Variants in PTPRD observed in about 807,000 individuals in gnomAD.
The protein encoded by PTPRD is protein tyrosine phosphatase receptor type D, also known as receptor-type tyrosine-protein phosphatase delta.
A neutral mutation model predicts 214.5 loss-of-function variants in PTPRD; 34 were observed. That is an observed-to-expected ratio of 0.16 (90% CI 0.12 to 0.21). PTPRD has a LOEUF of 0.21. Ranked by LOEUF, PTPRD falls within the 10% of genes least tolerant of loss-of-function variation. PTPRD has a pLI of 1.00. For synonymous variants in PTPRD, 1,128 were observed against 845.7 expected (o/e 1.33, Z -5.79); for missense variants, 2,545 against 2,398.7 (o/e 1.06, Z -1.27).
intron 14 of PTPRD, among the ~76,000 whole-genome samples, chr9:8,560,190 A>T (rs952257245): frequency 3.3e-5 from 5 of 152,186 alleles, no homozygotes; most frequent in African/African-American, 9.7e-5. Context: ...TAATTTGAAC[A>T]ATGTTTATAA....
At chr9:9,540,900 G>A (rs1482948553) in intron 8 of PTPRD, among the ~76,000 whole-genome samples, 3 of 151,668 alleles carry the variant, frequency 2.0e-5, no homozygotes, top group African/African-American at 7.3e-5. Context: ...ATAAATTTTT[G>A]TTCCTATCCT....
intron 44 of PTPRD, among the ~76,000 whole-genome samples, chr9:8,326,699 G>A (rs1409412184): frequency 6.6e-6 from 1 of 151,358 alleles, no homozygotes; most frequent in African/African-American, 2.4e-5. Flanking sequence ...GACTTTTTTT[G>A]GTTGCTAGGC....
chr9:9,226,473 G>A (rs1173535476), intron 9 of PTPRD, among the ~76,000 whole-genome samples: 1 of 151,894 alleles, frequency 6.6e-6, no homozygotes, highest in Non-Finnish European at 1.5e-5. Flanking sequence ...CTCAGCCCAG[G>A]GAATTTAGTG....
intron 9 of PTPRD, among the ~76,000 whole-genome samples, chr9:9,367,857 T>C (rs1417085357): frequency 1.3e-5 from 2 of 151,690 alleles, no homozygotes; most frequent in East Asian, 3.9e-4. Flanking sequence ...ATGTATTCTG[T>C]TCCTAGAATA....
At position 8,329,540 on chromosome 9, in the gene PTPRD, A is replaced by C. The variant is rs575076291; in HGVS notation, c.5534+2042T>G. ...GTCTGTCCCTTATCAGAGCTCGAAC[A>C]CTGCACTGGGAGAAATGCTGCGCTC... On this transcript the variant is annotated intron_variant, in intron 44 of 45. Transcript: ENST00000381196. 2.0e-5 allele frequency among the ~76,000 whole-genome samples: 3 copies of C among 152,260 alleles called. No homozygotes were observed. The East Asian group carries it at 5.8e-4, about 30-fold the overall frequency.
At chr9:10,188,097 C>T (rs998944699) in intron 3 of PTPRD, among the ~76,000 whole-genome samples, 11 of 152,236 alleles carry the variant, frequency 7.2e-5, no homozygotes, top group South Asian at 2.1e-4. Flanking sequence ...AACATTATTT[C>T]GAAAACCCAT....
rs555563739 is a variant in PTPRD, at chr9:9,003,946, C to G, written c.-104+14751G>C. Among the ~76,000 whole-genome samples the G allele has an allele frequency of 4.6e-5, 7 of 152,150 alleles. No individual in the cohort carries two copies. In the South Asian group the frequency reaches 1.5e-3, roughly 32 times the overall value. On this transcript the variant is annotated intron_variant, in intron 11 of 45. Transcript: ENST00000381196. ...ATTGTCTACTTCTTAGTCTTATGGCCATTGCATTCCTAAACGAACTCAATC... is the reference window on the plus strand; with the variant it reads ...ATTGTCTACTTCTTAGTCTTATGGCGATTGCATTCCTAAACGAACTCAATC...
chr9:8,858,796 AACACAC>A lies in PTPRD; in HGVS notation c.-103-124856_-103-124851del, dbSNP rs71317379. 8.7e-4 allele frequency among the ~76,000 whole-genome samples: 123 copies of A among 141,868 alleles called. 1 individual carries two copies. In the Middle Eastern group the frequency reaches 0.011, roughly 13 times the overall value. The allele number at this position is 141,868 out of a possible 152,430, so 93.1% of individuals were successfully genotyped here. Reference sequence around the variant, plus strand: ...GGCAGGAGAGGTGGGTGAAGGAGGCAACACACACACACACACACACACACACACACA... The same window carrying A: ...GGCAGGAGAGGTGGGTGAAGGAGGCAACACACACACACACACACACACACA... On this transcript the variant is annotated intron_variant, in intron 11 of 45. Coordinates refer to ENST00000381196, the MANE Select transcript of PTPRD (RefSeq NM_002839.4).
chr9:10,505,458 A>C (rs974978203), intron 2 of PTPRD, among the ~76,000 whole-genome samples: 10 of 152,220 alleles, frequency 6.6e-5, no homozygotes, highest in Non-Finnish European at 1.3e-4. Context: ...AAGAATAGAC[A>C]TATCAGCCAC....
chr9:9,543,846 C>T (rs2078148869), intron 8 of PTPRD, among the ~76,000 whole-genome samples: 1 of 151,632 alleles, frequency 6.6e-6, no homozygotes, highest in Non-Finnish European at 1.5e-5. Flanking sequence ...GAAATCAAAA[C>T]AATACGTGCT....
chr9:9,414,548 C>A (rs964848947), intron 8 of PTPRD, among the ~76,000 whole-genome samples: 2 of 152,134 alleles, frequency 1.3e-5, no homozygotes, highest in Non-Finnish European at 2.9e-5. Context: ...ATAATCAGCT[C>A]TATTCAACAT....
At chr9:10,096,001 G>T (rs543127524) in intron 3 of PTPRD, among the ~76,000 whole-genome samples, 2 of 151,648 alleles carry the variant, frequency 1.3e-5, no homozygotes, top group Admixed American at 1.3e-4. Context: ...TGTGAATTCT[G>T]TATATTCCTT....
chr9:8,787,775 C>A (rs557710520), intron 11 of PTPRD, among the ~76,000 whole-genome samples: 2 of 152,140 alleles, frequency 1.3e-5, no homozygotes, highest in Non-Finnish European at 2.9e-5. Context: ...TGTGTACTGA[C>A]TCTACCCTTT....
At chr9:10,432,114 T>G (rs1421912352) in intron 2 of PTPRD, among the ~76,000 whole-genome samples, 1 of 151,696 alleles carries the variant, frequency 6.6e-6, no homozygotes, top group East Asian at 2.0e-4. Context: ...CATAAAAAAA[T>G]GATGAGTTCA....
chr9:9,837,678 G>C (rs961010837), intron 5 of PTPRD, among the ~76,000 whole-genome samples: 1 of 152,094 alleles, frequency 6.6e-6, no homozygotes, highest in Non-Finnish European at 1.5e-5. Flanking sequence ...GAGGGGAGTG[G>C]CTGTAATAAC....
chr9:8,918,368 T>C (rs895381105), intron 11 of PTPRD, among the ~76,000 whole-genome samples: 2 of 152,130 alleles, frequency 1.3e-5, no homozygotes, highest in Non-Finnish European at 2.9e-5. Context: ...TGTCAGAAAA[T>C]TAGCCTTACC....
intron 8 of PTPRD, among the ~76,000 whole-genome samples, chr9:9,413,296 A>G (rs573725903): frequency 0.013 from 1,900 of 148,570 alleles, 19 homozygotes; most frequent in Middle Eastern, 0.076. Flanking sequence ...TTGTATTTTT[A>G]GTAGAGACGG....
intron 21 of PTPRD, among the ~76,000 whole-genome samples, chr9:8,508,613 G>A (rs62534042): frequency 0.089 from 13,571 of 152,070 alleles, 773 homozygotes; most frequent in Non-Finnish European, 0.12. Flanking sequence ...CATAGCAGAG[G>A]AGTAAAAAAA....
intron 11 of PTPRD, among the ~76,000 whole-genome samples, chr9:8,777,947 A>T (rs2095549686): frequency 6.6e-6 from 1 of 152,194 alleles, no homozygotes; most frequent in Admixed American, 6.5e-5. Context: ...ATCCTGAGGT[A>T]TTTATTAACC....
Sources: allele counts gnomAD v4.1 joint callset (sites outside exome capture counted in the v4.1 genomes callset), GRCh38; gene constraint gnomAD v4.1.1; transcripts MANE v1.5; gene names NCBI Gene and HGNC (gene_info 2026-07-23, HGNC 2026-07-21).